The following PLA2G2A variants were observed in gnomAD, a reference collection of about 807,000 sequenced individuals.
PLA2G2A encodes the protein phospholipase A2 group IIA.
A neutral mutation model predicts 11.2 loss-of-function variants in PLA2G2A; 6 were observed. The observed-to-expected ratio is 0.54, with a 90% CI of 0.29 to 1.06. The LOEUF (loss-of-function observed/expected upper bound fraction) is 1.06. PLA2G2A is among the 50% of genes least tolerant of loss of function. The pLI is 0.08. For missense variants in PLA2G2A, 133 were observed against 177.1 expected, an observed-to-expected ratio of 0.75 and a Z score of 1.41; for synonymous variants, 69 against 65.8, an observed-to-expected ratio of 1.05 and a Z score of -0.23.
At chr1:19,977,589 G>A (rs889498447) in intron 4 of PLA2G2A, among the ~76,000 whole-genome samples, 1 of 152,216 alleles carries the variant, frequency 6.6e-6, no homozygotes, top group Non-Finnish European at 1.5e-5. Context: ...TGGAGGGCCG[G>A]ATTGACCTAG....
upstream of PLA2G2A, among the ~76,000 whole-genome samples, chr1:19,980,123 T>C (rs575123478): frequency 8.5e-4 from 129 of 152,306 alleles, no homozygotes; most frequent in South Asian, 5.8e-3. Flanking sequence ...GCCTCTACCA[T>C]GTTCCAGCAC....
chr1:19,980,364 G>A (rs2046282424), upstream of PLA2G2A: 1 of 152,412 alleles, frequency 6.6e-6, no homozygotes, highest in Non-Finnish European at 1.5e-5. Context: ...ATCCTCACCT[G>A]TTTGGAGACA....
chr1:19,978,753 C>T (rs1394138270), exon 2 of PLA2G2A: 1 of 1,614,132 alleles, frequency 6.2e-7, no homozygotes, highest in East Asian at 2.2e-5. Context: ...TGATCACTGC[C>T]AACAGTAGGA....
chr1:19,978,762 G>A, exon 2 of PLA2G2A: 1 of 1,614,126 alleles, frequency 6.2e-7, no homozygotes, highest in Non-Finnish European at 8.5e-7. Context: ...CCAACAGTAG[G>A]AGGGTCTTCA....
chr1:19,979,897 C>T (rs917445450), upstream of PLA2G2A, among the ~76,000 whole-genome samples: 10 of 152,174 alleles, frequency 6.6e-5, no homozygotes, highest in African/African-American at 2.2e-4. Context: ...GTGTGATCAA[C>T]GGTCAGCCAC....
chr1:19,978,705 C>G (rs770218252), intron 2 of PLA2G2A, 29 bp downstream of exon 2: 2 of 1,612,998 alleles, frequency 1.2e-6, no homozygotes, highest in African/African-American at 2.7e-5. Context: ...GCTGTCCCCC[C>G]ATGCTCAGAG....
chr1:19,977,514 C>G (rs962161517), intron 4 of PLA2G2A, among the ~76,000 whole-genome samples: 2 of 152,244 alleles, frequency 1.3e-5, no homozygotes, highest in Non-Finnish European at 2.9e-5. Context: ...GCAAATCTGA[C>G]CCTGTAGCTC....
At chr1:19,975,616 C>T, downstream of PLA2G2A, 1 of 1,303,574 alleles carries the variant, frequency 7.7e-7, no homozygotes, top group Admixed American at 1.7e-5. Flanking sequence ...TTCTGCATGG[C>T]CAAGGAACTT....
chr1:19,979,161 G>A (rs2046268110), intron 1 of PLA2G2A: 1 of 286,126 alleles, frequency 3.5e-6, no homozygotes, highest in African/African-American at 2.1e-5. Flanking sequence ...CAACTACCTG[G>A]GAGGTTCCTG....
chr1:19,979,771 G>C (rs1329080576), upstream of PLA2G2A: 2 of 152,312 alleles, frequency 1.3e-5, no homozygotes, highest in Admixed American at 6.5e-5. Context: ...CCCCTCATCA[G>C]CTGGCAGGAC....
rs1302864365 is a variant in PLA2G2A at position 19,978,892 on chromosome 1, G to C, written c.-106-13C>G. 5 of 899,380 alleles carry C rather than the reference G, an allele frequency of 5.6e-6. No homozygotes were observed. The highest frequency in any genetic ancestry group is 9.1e-6 in the Non-Finnish European group (5 of 546,952). 55.7% of individuals were successfully genotyped at this position (899,380 alleles called of 1,614,324 possible). On this transcript the variant is annotated splice_polypyrimidine_tract_variant and intron_variant, in intron 1 of 4. Transcript: ENST00000482011. ...CTCCTTGGTGGCTCTGAGACACACA[G>C]ACATGCTCTCCCATCCAACCTAAGT...
exon 4 of PLA2G2A, chr1:19,978,090 G>C: frequency 6.2e-7 from 1 of 1,613,814 alleles, no homozygotes. Flanking sequence ...TTCTCCAGAC[G>C]TTTGTAGCAA....
intron 4 of PLA2G2A, 125 bp downstream of exon 4, chr1:19,977,890 C>T (rs1030362037): frequency 3.9e-5 from 29 of 736,674 alleles, no homozygotes; most frequent in Non-Finnish European, 7.3e-5. Context: ...TCCTGGCTTC[C>T]CACTCAACCG....
downstream of PLA2G2A, chr1:19,975,594 GT>G: frequency 9.7e-7 from 1 of 1,035,892 alleles, no homozygotes; most frequent in South Asian, 1.3e-5. Context: ...TCTAGGATGG[GT>G]GAGGGATGCT....
At chr1:19,978,066 T>A (rs1371486078) in exon 4 of PLA2G2A, 1 of 1,613,918 alleles carries the variant, frequency 6.2e-7, no homozygotes, top group Admixed American at 1.7e-5. Context: ...AGAAATTTGG[T>A]GCCACATCCA....
At chr1:19,976,875 C>T (rs778785323) in intron 4 of PLA2G2A, among the ~76,000 whole-genome samples, 2 of 152,212 alleles carry the variant, frequency 1.3e-5, no homozygotes, top group African/African-American at 2.4e-5. Context: ...GTCCCTCATG[C>T]GTTTCTGCCT....
exon 5 of PLA2G2A, chr1:19,975,779 A>T (rs1355734844): frequency 6.2e-7 from 1 of 1,613,464 alleles, no homozygotes; most frequent in South Asian, 1.1e-5. Context: ...TCTTGTTTCT[A>T]GCAAAACAGG....
intron 1 of PLA2G2A, 121 bp from the exon 2 acceptor site, chr1:19,979,000 C>CACACACACACACACAT: frequency 1.8e-6 from 1 of 550,932 alleles, no homozygotes; most frequent in South Asian, 1.9e-5. Context: ...CACACACACA[C>CACACACACACACACAT]AACCACCTCC....
intron 1 of PLA2G2A, chr1:19,979,084 A>G (rs773429597): frequency 1.1e-4 from 53 of 466,088 alleles, no homozygotes; most frequent in South Asian, 3.3e-4. Context: ...CCCATGATAC[A>G]CTAATGAGAC....
Sources: allele counts gnomAD v4.1 joint callset (sites outside exome capture counted in the v4.1 genomes callset), GRCh38; gene constraint gnomAD v4.1.1; transcripts MANE v1.5; gene names NCBI Gene and HGNC (gene_info 2026-07-23, HGNC 2026-07-21).